The following SHC4 variants were observed in gnomAD, a reference collection of about 807,000 sequenced individuals.
SHC4 encodes SHC-transforming protein 4.
SHC4 carries 41 observed loss-of-function variants against 69.4 expected under a neutral mutation model. That is an observed-to-expected ratio of 0.59 (90% CI 0.46 to 0.77). The LOEUF is 0.77. Ranked by LOEUF, SHC4 falls within the 30% of genes least tolerant of loss-of-function variation. SHC4 has a pLI of 0.00. For synonymous variants in SHC4, 318 were observed against 299.3 expected, an observed-to-expected ratio of 1.06 and a Z score of -0.64; for missense variants, 777 against 783.8, an observed-to-expected ratio of 0.99 and a Z score of 0.10.
At chr15:48,882,677 T>A (rs1899966347) in intron 4 of SHC4, among the ~76,000 whole-genome samples, 1 of 152,216 alleles carries the variant, frequency 6.6e-6, no homozygotes, top group Admixed American at 6.5e-5. Flanking sequence ...GTCATTATGA[T>A]GGCTTCAGCT....
intron 2 of SHC4, among the ~76,000 whole-genome samples, chr15:48,908,469 G>A (rs1227846576): frequency 1.3e-5 from 2 of 152,164 alleles, no homozygotes; most frequent in African/African-American, 4.8e-5. Flanking sequence ...CAGATGTATA[G>A]ATTGTGAAGA....
chr15:48,864,514 C>T (rs1362667105), intron 6 of SHC4, among the ~76,000 whole-genome samples: 3 of 115,816 alleles, frequency 2.6e-5, no homozygotes, highest in Non-Finnish European at 4.8e-5. Context: ...GTGGCGTGAT[C>T]TTGGCTCACT....
chr15:48,835,839 A>G (rs532064154), intron 10 of SHC4, among the ~76,000 whole-genome samples: 1 of 152,090 alleles, frequency 6.6e-6, no homozygotes, highest in Non-Finnish European at 1.5e-5. Flanking sequence ...CTTTATATAC[A>G]TTATGTTGTT....
intron 1 of SHC4, chr15:48,946,692 G>T: frequency 1.6e-6 from 1 of 630,654 alleles, no homozygotes; most frequent in Non-Finnish European, 2.0e-6. Context: ...TCTGGGCAAC[G>T]CATTTGGAAC....
rs374414360 is a variant in SHC4 at position 48,962,438 on chromosome 15, C to T, written c.578G>A (p.Cys193Tyr). Reference sequence around the variant, plus strand: ...AGAGGAAAATGGACTTACCCTCACACAGTAGTTCATGCCCATCCCCAACAG... The same window carrying T: ...AGAGGAAAATGGACTTACCCTCACATAGTAGTTCATGCCCATCCCCAACAG... ...QHLLGMGMNY[C>Y]VRYMGCVEVL... Residue 193 changes from cysteine to tyrosine, a missense_variant, in exon 1 of 12, where the codon TGT becomes TAT. By Grantham distance (194) the Cys-to-Tyr change is radical. Coordinates refer to ENST00000332408, the MANE Select transcript of SHC4 (RefSeq NM_203349.4). 97 of 1,518,814 alleles carry T rather than the reference C, an allele frequency of 6.4e-5. No individual in the cohort carries two copies. The African/African-American group carries it at 1.2e-3, about 19-fold the overall frequency. The allele number at this position is 1,518,814 out of a possible 1,614,324, so 94.1% of individuals were successfully genotyped here. A position where few individuals can be genotyped will look rare whatever the true frequency, so the allele number is the denominator to read the frequency against.
intron 1 of SHC4, among the ~76,000 whole-genome samples, chr15:48,941,077 T>C (rs1346368342): frequency 6.6e-6 from 1 of 152,214 alleles, no homozygotes; most frequent in East Asian, 1.9e-4. Flanking sequence ...ACTCCTCTAC[T>C]TTTTGTGGAT....
chr15:48,916,376 A>G (rs1900623053), intron 2 of SHC4, among the ~76,000 whole-genome samples: 1 of 151,928 alleles, frequency 6.6e-6, no homozygotes, highest in South Asian at 2.1e-4. Context: ...GTCCTGTTGA[A>G]GCCCAATAAT....
chr15:48,918,573 C>T (rs1039777901), intron 2 of SHC4, among the ~76,000 whole-genome samples: 11 of 120,182 alleles, frequency 9.2e-5, no homozygotes, highest in Non-Finnish European at 2.1e-5. Context: ...TCCATTTTTT[C>T]TTTAAATTTT....
intron 3 of SHC4, among the ~76,000 whole-genome samples, chr15:48,887,080 T>C (rs1458428589): frequency 1.3e-5 from 2 of 152,266 alleles, no homozygotes; most frequent in Admixed American, 1.3e-4. Context: ...CCAGTTCTTT[T>C]GGTTATTCAT....
At chr15:48,950,847 G>A (rs910940212) in intron 1 of SHC4, among the ~76,000 whole-genome samples, 13 of 152,218 alleles carry the variant, frequency 8.5e-5, no homozygotes, top group Non-Finnish European at 1.0e-4. Flanking sequence ...TCCTGGAGGA[G>A]GGTAGGAGTA....
At position 48,961,333 on chromosome 15, in the gene SHC4, C is replaced by T. The variant is rs576420681; in HGVS notation, c.585+1098G>A. On this transcript the variant is annotated intron_variant, in intron 1 of 11. Coordinates refer to ENST00000332408, the MANE Select transcript of SHC4 (RefSeq NM_203349.4). ...GGCATTTAAGAGCTTCAGTCAACTT[C>T]GGTCTCCCAAGCTACCCGTGATCTC... is the stretch of plus-strand genomic sequence containing the variant. 7.2e-5 allele frequency among the ~76,000 whole-genome samples: 11 copies of T among 152,330 alleles called. No individual in the cohort carries two copies. The South Asian group carries it at 8.3e-4, about 11-fold the overall frequency.
At position 48,825,761 on chromosome 15, in the gene SHC4, C is replaced by A; in HGVS notation, c.*210G>T. The A allele has an allele frequency of 1.8e-6, 1 of 547,092 alleles. No homozygotes were observed. Among genetic ancestry groups the A allele is most frequent in the Non-Finnish European group, 3.1e-6 (1 of 326,028 alleles). 33.9% of individuals were successfully genotyped at this position (547,092 alleles called of 1,614,324 possible). A position where few individuals can be genotyped will look rare whatever the true frequency, so the allele number is the denominator to read the frequency against. ...TACATATAATTTCTTTTAAAATGAC[C>A]AACCCTCTTCCTCTTTTCTGATTTT... On this transcript the variant is annotated 3_prime_UTR_variant, in exon 12 of 12. Transcript: ENST00000332408.
chr15:48,847,466 T>C (rs2140976387), intron 9 of SHC4, among the ~76,000 whole-genome samples: 1 of 152,300 alleles, frequency 6.6e-6, no homozygotes, highest in East Asian at 1.9e-4. Flanking sequence ...TAGTGATAAA[T>C]ACAATTAACT....
intron 1 of SHC4, among the ~76,000 whole-genome samples, chr15:48,939,220 G>A (rs1205367058): frequency 6.6e-6 from 1 of 152,224 alleles, no homozygotes; most frequent in African/African-American, 2.4e-5. Context: ...CTCCATAGGA[G>A]TGTGATGAGC....
chr15:48,870,613 T>C (rs948346157), intron 5 of SHC4, among the ~76,000 whole-genome samples: 8 of 151,960 alleles, frequency 5.3e-5, no homozygotes, highest in Non-Finnish European at 1.0e-4. Context: ...TTCTTCCATA[T>C]GCTTCGTGAG....
At chr15:48,923,581 G>A (rs947010497) in intron 2 of SHC4, among the ~76,000 whole-genome samples, 1 of 137,670 alleles carries the variant, frequency 7.3e-6, no homozygotes, top group Admixed American at 7.1e-5. Context: ...AAAAGAAAAA[G>A]AAAATTTTGA....
intron 1 of SHC4, among the ~76,000 whole-genome samples, chr15:48,943,470 A>C (rs150000905): frequency 6.6e-6 from 1 of 152,184 alleles, no homozygotes; most frequent in Non-Finnish European, 1.5e-5. Flanking sequence ...TTCATTGTAT[A>C]TATACCACAA....
intron 6 of SHC4, among the ~76,000 whole-genome samples, chr15:48,866,403 T>C (rs1345211564): frequency 1.3e-5 from 2 of 152,224 alleles, no homozygotes; most frequent in African/African-American, 2.4e-5. Context: ...CCACATTCTT[T>C]TGGCAAACAT....
chr15:48,874,948 G>A (rs541012659), intron 4 of SHC4, among the ~76,000 whole-genome samples: 9 of 151,976 alleles, frequency 5.9e-5, no homozygotes, highest in East Asian at 3.8e-4. Flanking sequence ...GCACTTTCTC[G>A]GTCACAGTTT....
Sources: gnomAD v4.1 joint callset for allele counts (sites outside exome capture counted in the v4.1 genomes callset) on GRCh38, gnomAD v4.1.1 for gene constraint, MANE v1.5 for transcripts, NCBI Gene and HGNC (gene_info 2026-07-23, HGNC 2026-07-21) for gene names.